CAMK2D: variants seen among roughly 807,000 people sequenced by gnomAD.
CAMK2D encodes the protein calcium/calmodulin-dependent protein kinase type II subunit delta.
In CAMK2D, 37 loss-of-function variants were observed where a neutral mutation model predicts 84.0. The ratio of observed to expected loss-of-function variants is 0.44; its 90% CI spans 0.34 to 0.58. The LOEUF is 0.58. Among genes scored for constraint, CAMK2D ranks in the 20% least tolerant of loss-of-function variants. The pLI is 0.02. For missense variants in CAMK2D, 448 were observed against 652.5 expected (o/e 0.69, Z 3.41); for synonymous variants, 202 against 212.5 (o/e 0.95, Z 0.43).
intron 2 of CAMK2D, among the ~76,000 whole-genome samples, chr4:113,701,232 CTG>C (rs1206159071): frequency 1.3e-5 from 2 of 152,190 alleles, no homozygotes; most frequent in African/African-American, 2.4e-5. Context: ...AACGTAGACA[CTG>C]TGGGCTATTC....
intron 2 of CAMK2D, among the ~76,000 whole-genome samples, chr4:113,680,130 T>A (rs895898012): frequency 1.3e-5 from 2 of 152,170 alleles, no homozygotes; most frequent in Non-Finnish European, 2.9e-5. Context: ...CAGTCACAAA[T>A]TTTTTCACAT....
At chr4:113,517,300 C>T (rs1170559938) in intron 9 of CAMK2D, among the ~76,000 whole-genome samples, 4 of 152,018 alleles carry the variant, frequency 2.6e-5, no homozygotes, top group Non-Finnish European at 5.9e-5. Context: ...TTTTAAAATG[C>T]ACTAAGGTCC....
chr4:113,626,405 T>G (rs1452325233), intron 3 of CAMK2D, among the ~76,000 whole-genome samples: 1 of 152,214 alleles, frequency 6.6e-6, no homozygotes, highest in African/African-American at 2.4e-5. Flanking sequence ...TAAAGCTGCA[T>G]GAATGTTGTG....
At chr4:113,644,442 C>T (rs1347952252) in intron 3 of CAMK2D, among the ~76,000 whole-genome samples, 3 of 152,172 alleles carry the variant, frequency 2.0e-5, no homozygotes, top group South Asian at 2.1e-4. Context: ...CTTGAGTAGT[C>T]TCAGCTTAAG....
intron 2 of CAMK2D, among the ~76,000 whole-genome samples, chr4:113,733,791 T>C (rs1562117249): frequency 6.6e-6 from 1 of 152,174 alleles, no homozygotes. Context: ...AGTTTCTTCA[T>C]GAGTAAACTG....
intron 3 of CAMK2D, among the ~76,000 whole-genome samples, chr4:113,641,486 T>C (rs1227220046): frequency 6.6e-6 from 1 of 152,212 alleles, no homozygotes; most frequent in Non-Finnish European, 1.5e-5. Flanking sequence ...ATGTTTCAGA[T>C]TGACACTATC....
intron 8 of CAMK2D, among the ~76,000 whole-genome samples, chr4:113,519,636 A>G (rs1386556531): frequency 3.9e-5 from 6 of 152,198 alleles, no homozygotes; most frequent in Non-Finnish European, 7.3e-5. Flanking sequence ...ACAAGCATCT[A>G]AAACCTTTCT....
chr4:113,460,691 T>A (rs61410282), intron 17 of CAMK2D, among the ~76,000 whole-genome samples: 14,954 of 132,798 alleles, frequency 0.11, 2,337 homozygotes, highest in African/African-American at 0.35. Context: ...TAATAATAAT[T>A]ATTATTATTT....
At position 113,633,684 on chromosome 4, in the gene CAMK2D, T is replaced by C. The variant is rs966826320; in HGVS notation, c.221-24478A>G. Among the ~76,000 whole-genome samples, 6 of 152,296 alleles carry C rather than the reference T, an allele frequency of 3.9e-5. 1 individual carries two copies. The South Asian group carries it at 1.2e-3, about 32-fold the overall frequency. On this transcript the variant is annotated intron_variant, in intron 3 of 20. Coordinates refer to ENST00000511664, the MANE Select transcript of CAMK2D (RefSeq NM_001321571.2). ...CACTGAGATAGTACAGAAGTGACTG[T>C]TGGCTCCACAAGCAGGATACCTGGC...
At chr4:113,560,433 A>C (rs2098692824) in intron 4 of CAMK2D, among the ~76,000 whole-genome samples, 1 of 152,206 alleles carries the variant, frequency 6.6e-6, no homozygotes, top group South Asian at 2.1e-4. Context: ...GAGAAAATAG[A>C]AACATAAATA....
chr4:113,466,253 G>A (rs988078339), intron 16 of CAMK2D, among the ~76,000 whole-genome samples: 4 of 132,570 alleles, frequency 3.0e-5, no homozygotes, highest in East Asian at 2.3e-4. Context: ...GCAAAACTCC[G>A]TCTCAAAAAT....
intron 7 of CAMK2D, among the ~76,000 whole-genome samples, chr4:113,535,477 C>T (rs755441810): frequency 3.3e-5 from 5 of 152,128 alleles, no homozygotes; most frequent in Non-Finnish European, 2.9e-5. Flanking sequence ...TATTAAACAA[C>T]ATACACCCAG....
intron 7 of CAMK2D, among the ~76,000 whole-genome samples, chr4:113,535,924 A>G (rs917238946): frequency 6.6e-6 from 1 of 152,172 alleles, no homozygotes; most frequent in Non-Finnish European, 1.5e-5. Context: ...AGGACTTCCT[A>G]CTTAATTTAT....
At chr4:113,600,425 C>T (rs1298703772) in intron 4 of CAMK2D, among the ~76,000 whole-genome samples, 6 of 152,030 alleles carry the variant, frequency 3.9e-5, no homozygotes, top group Admixed American at 3.9e-4. Flanking sequence ...TGGAAACTTT[C>T]TGTATTTCCA....
chr4:113,617,301 CTA>C (rs2154273665), intron 3 of CAMK2D, among the ~76,000 whole-genome samples: 1 of 151,900 alleles, frequency 6.6e-6, no homozygotes, highest in South Asian at 2.1e-4. Context: ...GACCCTGTCT[CTA>C]TTACAAAAAA....
At chr4:113,594,734 A>G (rs1029056557) in intron 4 of CAMK2D, among the ~76,000 whole-genome samples, 2 of 152,214 alleles carry the variant, frequency 1.3e-5, no homozygotes, top group Non-Finnish European at 2.9e-5. Context: ...AAAACTGAAG[A>G]GCAAAGGAAG....
rs139589995 is a variant in CAMK2D at position 113,472,164 on chromosome 4, C to T, written c.1136-6560G>A. ...TATCACGGGATGTTCATATATCTAA[C>T]TAGAACTTGACCAGTTTATAGTCTG... On this transcript the variant is annotated intron_variant, in intron 16 of 20. Coordinates refer to ENST00000511664, the MANE Select transcript of CAMK2D (RefSeq NM_001321571.2). Among the ~76,000 whole-genome samples the T allele has an allele frequency of 2.1e-3, 325 of 152,308 alleles. 2 individuals carry two copies. The highest frequency in any genetic ancestry group is 3.5e-3 in the Non-Finnish European group (241 of 68,028).
At chr4:113,479,868 ACATGAG>A (rs2097678544) in intron 16 of CAMK2D, among the ~76,000 whole-genome samples, 4 of 152,348 alleles carry the variant, frequency 2.6e-5, no homozygotes, top group South Asian at 4.1e-4. Flanking sequence ...TCACTATTCA[ACATGAG>A]TATGCTCTCT....
intron 2 of CAMK2D, among the ~76,000 whole-genome samples, chr4:113,744,312 C>T (rs893462925): frequency 6.6e-5 from 10 of 152,202 alleles, no homozygotes; most frequent in African/African-American, 2.4e-4. Context: ...ACCCAATCCT[C>T]GTGACCTTGT....
Sources: gnomAD v4.1 joint callset for allele counts (sites outside exome capture counted in the v4.1 genomes callset) on GRCh38, gnomAD v4.1.1 for gene constraint, MANE v1.5 for transcripts, NCBI Gene and HGNC (gene_info 2026-07-23, HGNC 2026-07-21) for gene names.